SLCO2A1: variants seen among roughly 807,000 people sequenced by gnomAD.
SLCO2A1 encodes the protein solute carrier organic anion transporter family member 2A1.
A neutral mutation model predicts 71.7 loss-of-function variants in SLCO2A1; 60 were observed. The ratio of observed to expected loss-of-function variants is 0.84; its 90% confidence interval spans 0.68 to 1.04. The LOEUF is 1.04. Ranked by LOEUF, SLCO2A1 falls within the 50% of genes least tolerant of loss-of-function variation. The probability of loss-of-function intolerance (pLI) is 0.00; values close to 1 mark genes in which losing one functional copy is unlikely to be tolerated. For missense variants in SLCO2A1, 745 were observed against 813.4 expected (o/e 0.92, Z 1.02); for synonymous variants, 308 against 326.7 (o/e 0.94, Z 0.62).
chr3:134,007,009 T>C (rs1423807555), intron 1 of SLCO2A1, among the ~76,000 whole-genome samples: 1 of 152,248 alleles, frequency 6.6e-6, no homozygotes, highest in Admixed American at 6.5e-5. Context: ...TTTTGTTTTT[T>C]TATAGTAGCC....
chr3:133,956,389 G>T (rs1933898929), intron 3 of SLCO2A1, among the ~76,000 whole-genome samples: 2 of 152,304 alleles, frequency 1.3e-5, no homozygotes, highest in South Asian at 4.1e-4. Context: ...CGTCCAGCCT[G>T]GCCCCACTGT....
intron 3 of SLCO2A1, among the ~76,000 whole-genome samples, chr3:133,968,377 G>A (rs1043461403): frequency 2.5e-4 from 38 of 152,132 alleles, no homozygotes; most frequent in African/African-American, 8.4e-4. Flanking sequence ...CACCATAGGT[G>A]GGTGTTCACT....
chr3:133,964,134 T>A (rs1373642060), intron 3 of SLCO2A1, among the ~76,000 whole-genome samples: 1 of 152,180 alleles, frequency 6.6e-6, no homozygotes, highest in Non-Finnish European at 1.5e-5. Flanking sequence ...CATAGTCTTC[T>A]GCCCCAGAGG....
chr3:133,939,962 C>CTT (rs752743899), intron 11 of SLCO2A1, among the ~76,000 whole-genome samples: 25 of 106,302 alleles, frequency 2.4e-4, no homozygotes, highest in Non-Finnish European at 3.0e-4. Context: ...ACAAAGTCAT[C>CTT]TTTTTTTTTT....
intron 1 of SLCO2A1, among the ~76,000 whole-genome samples, chr3:134,006,072 T>C (rs4401359): frequency 0.57 from 86,240 of 151,972 alleles, 25,878 homozygotes; most frequent in Middle Eastern, 0.71. Context: ...TTTTTATTAA[T>C]ACTATTTTTT....
At chr3:133,943,531 A>G (rs928994665) in intron 10 of SLCO2A1, among the ~76,000 whole-genome samples, 3 of 152,172 alleles carry the variant, frequency 2.0e-5, no homozygotes, top group African/African-American at 7.2e-5. Flanking sequence ...GGAAACTCCA[A>G]AGTTAGTTAT....
chr3:133,936,741 A>C (rs958019912), intron 12 of SLCO2A1, among the ~76,000 whole-genome samples: 1 of 152,090 alleles, frequency 6.6e-6, no homozygotes, highest in Non-Finnish European at 1.5e-5. Flanking sequence ...TTCCAGAAGA[A>C]AGACAGACAA....
intron 4 of SLCO2A1, among the ~76,000 whole-genome samples, chr3:133,954,736 G>A (rs1316146685): frequency 2.0e-5 from 3 of 152,156 alleles, no homozygotes; most frequent in Non-Finnish European, 4.4e-5. Context: ...CCTCCTCCTG[G>A]AGGTGAGAAA....
At chr3:134,025,004 G>T (rs955452638) in intron 1 of SLCO2A1, among the ~76,000 whole-genome samples, 1 of 151,902 alleles carries the variant, frequency 6.6e-6, no homozygotes, top group Non-Finnish European at 1.5e-5. Flanking sequence ...GTATGTGGAC[G>T]GGAGCAGCTT....
chr3:133,956,469 A>T (rs1488084071), intron 3 of SLCO2A1, among the ~76,000 whole-genome samples: 2 of 152,238 alleles, frequency 1.3e-5, no homozygotes, highest in Non-Finnish European at 2.9e-5. Flanking sequence ...CTCCCCCATC[A>T]GTCAGGGAAG....
intron 3 of SLCO2A1, among the ~76,000 whole-genome samples, chr3:133,962,741 G>T (rs13071986): frequency 0.11 from 16,724 of 152,200 alleles, 948 homozygotes; most frequent in Middle Eastern, 0.2. Context: ...GCTACTCCAC[G>T]TAACTTATAG....
chr3:134,026,442 C>T (rs1268614898), intron 1 of SLCO2A1, among the ~76,000 whole-genome samples: 2 of 151,984 alleles, frequency 1.3e-5, no homozygotes, highest in East Asian at 3.8e-4. Context: ...CTTTTTCCTA[C>T]TGCCCATAAA....
intron 3 of SLCO2A1, among the ~76,000 whole-genome samples, chr3:133,970,196 A>G (rs1934291613): frequency 6.6e-6 from 1 of 152,232 alleles, no homozygotes; most frequent in Admixed American, 6.5e-5. Flanking sequence ...CTTAGTGATT[A>G]CTGCATGTGA....
intron 3 of SLCO2A1, among the ~76,000 whole-genome samples, chr3:133,965,091 T>C (rs1218071413): frequency 1.3e-5 from 2 of 152,132 alleles, no homozygotes; most frequent in Non-Finnish European, 1.5e-5. Context: ...TGTTCACAGA[T>C]TTATTCAGTA....
intron 9 of SLCO2A1, 132 bp from the exon 10 acceptor site, chr3:133,945,392 C>G: frequency 1.1e-6 from 1 of 870,254 alleles, no homozygotes; most frequent in Non-Finnish European, 1.7e-6. Context: ...CCAGTGCCAC[C>G]CTGGGATCTG....
At chr3:133,938,057 G>A (rs890532052) in intron 12 of SLCO2A1, among the ~76,000 whole-genome samples, 1 of 152,222 alleles carries the variant, frequency 6.6e-6, no homozygotes, top group Non-Finnish European at 1.5e-5. Flanking sequence ...AAATGGAAAG[G>A]AAGCCAGGGC....
intron 6 of SLCO2A1, among the ~76,000 whole-genome samples, chr3:133,950,631 A>G (rs538077756): frequency 1.1e-3 from 171 of 152,270 alleles, no homozygotes; most frequent in African/African-American, 3.9e-3. Context: ...AATTAGAACA[A>G]TCTTTAGACC....
At chr3:133,957,137 C>A (rs1011414556) in intron 3 of SLCO2A1, among the ~76,000 whole-genome samples, 3 of 152,216 alleles carry the variant, frequency 2.0e-5, no homozygotes, top group African/African-American at 4.8e-5. Context: ...CTCTGCCCAT[C>A]CCCACCAACC....
intron 1 of SLCO2A1, among the ~76,000 whole-genome samples, chr3:133,994,232 A>G (rs571140948): frequency 3.3e-4 from 51 of 152,338 alleles, no homozygotes; most frequent in African/African-American, 1.0e-3. Context: ...TAATCCTCAT[A>G]TCAGCCCTGA....
Sources: allele counts gnomAD v4.1 joint callset (sites outside exome capture counted in the v4.1 genomes callset), GRCh38; gene constraint gnomAD v4.1.1; transcripts MANE v1.5; gene names NCBI Gene and HGNC (gene_info 2026-07-23, HGNC 2026-07-21).